The following ARFIP2 variants were observed in gnomAD, a reference collection of about 807,000 sequenced individuals.
ARFIP2 encodes arfaptin-2.
Under a neutral mutation model 39.2 loss-of-function variants are expected in ARFIP2, and 14 were observed. That is an observed-to-expected ratio of 0.36 (90% CI 0.24 to 0.56). The LOEUF is 0.56. Ranked by LOEUF, ARFIP2 falls within the 20% of genes least tolerant of loss-of-function variation. ARFIP2 has a pLI of 0.85. For synonymous variants in ARFIP2, 167 were observed against 172.4 expected, an observed-to-expected ratio of 0.97 and a Z score of 0.24; for missense variants, 305 against 422.5, an observed-to-expected ratio of 0.72 and a Z score of 2.44.
rs185626181 is a variant in ARFIP2, at chr11:6,478,862, C to T, written c.413G>A (p.Arg138His). 21 of 1,614,188 alleles carry T rather than the reference C, an allele frequency of 1.3e-5. No individual in the cohort carries two copies. The highest frequency in any genetic ancestry group is 9.3e-5 in the African/African-American group (7 of 75,048). Residue 138 changes from arginine to histidine, a missense_variant, in exon 5 of 8, where the codon CGC becomes CAC. Physicochemically the swap from Arg to His is conservative, Grantham distance 29. Around this residue, in one of 3 missense-constraint regions of ARFIP2, gnomAD observed 151 missense variants for 203.1 expected, o/e 0.74. Coordinates refer to ENST00000396777, the MANE Select transcript of ARFIP2 (RefSeq NM_001376558.2). This position sits in a 1 kb window ranked among gnomAD's most constrained non-coding sequence, Gnocchi z 4.8. The part of the protein sequence containing the change: ...LQIELLRETK[R>H]KYESVLQLGR... The stretch of plus-strand genomic sequence containing the variant: ...CAGCTGCAGGACACTCTCATACTTG[C>T]GCTTCGTCTCACGCAGCAACTCAAT...
Position 6,479,988 on chromosome 11 carries a change from A to G in ARFIP2, c.180T>C (p.Asp60=). The G allele has an allele frequency of 6.2e-7, 1 of 1,614,120 alleles. No homozygotes were observed. Residue 60 remains aspartate, a synonymous_variant, in exon 3 of 8, where the codon GAT becomes GAC. Transcript: ENST00000396777. The part of the protein sequence containing the change: ...IVSGGYGGSG[D]GLIPTGSGRH... ...CATTCATACCTGTGGGGATGAGTCC[A>G]TCACCAGAGCCCCCATAGCCACCAG...
rs566701969 is a variant in ARFIP2, at chr11:6,481,331, C to G, written c.-143G>C. ...CGATCCTAGCAGCAGGTCAGGGACT[C>G]GGCGGAAATGACGTCCTCTCCGGGC... On this transcript the variant is annotated 5_prime_UTR_variant, in exon 1 of 8. Coordinates refer to ENST00000396777, the MANE Select transcript of ARFIP2 (RefSeq NM_001376558.2). 7.4e-4 allele frequency: 643 copies of G among 872,826 alleles called. 1 individual carries two copies. The highest frequency in any genetic ancestry group is 1.4e-3 in the Middle Eastern group (4 of 2,910). The allele number at this position is 872,826 out of a possible 1,614,324, so 54.1% of individuals were successfully genotyped here. A position where few individuals can be genotyped will look rare whatever the true frequency, so the allele number is the denominator to read the frequency against.
chr11:6,477,405 C>T lies in ARFIP2; in HGVS notation c.871-137G>A. On this transcript the variant is annotated intron_variant, in intron 7 of 7. Transcript: ENST00000396777. This position sits in a 1 kb window ranked among gnomAD's most constrained non-coding sequence, Gnocchi z 4.8. The stretch of plus-strand genomic sequence containing the variant: ...TTTTGGGGTAGGGGCTGAACTCTAC[C>T]CAGGGAGTCAAAGGAGAAGGGTCAG... 9.4e-7 allele frequency: 1 copy of T among 1,068,000 alleles called. No homozygotes were observed. Among genetic ancestry groups the T allele is most frequent in the South Asian group, 1.7e-5 (1 of 60,172 alleles). 66.2% of individuals were successfully genotyped at this position (1,068,000 alleles called of 1,614,324 possible). A position where few individuals can be genotyped will look rare whatever the true frequency, so the allele number is the denominator to read the frequency against.
Position 6,477,016 on chromosome 11 carries a change from G to C in ARFIP2, c.*97C>G. On this transcript the variant is annotated 3_prime_UTR_variant, in exon 8 of 8. Transcript: ENST00000396777. The surrounding 1 kb of genome is among the most constrained non-coding windows in gnomAD (Gnocchi z 4.8). ...GCCAGAAAAAGGAGCCCAAGCCAGA[G>C]GGCAAGTGACAAAGGATGTACCATG... is the stretch of plus-strand genomic sequence containing the variant. 1 of 1,390,276 alleles carries C rather than the reference G, an allele frequency of 7.2e-7. No homozygotes were observed. The highest frequency in any genetic ancestry group is 9.6e-7 in the Non-Finnish European group (1 of 1,043,938). The allele number at this position is 1,390,276 out of a possible 1,614,324, so 86.1% of individuals were successfully genotyped here.
rs771662519 is a variant in ARFIP2 at position 6,478,094 on chromosome 11, G to A, written c.642C>T (p.Val214=). 3 of 1,613,954 alleles carry A rather than the reference G, an allele frequency of 1.9e-6. No individual in the cohort carries two copies. The South Asian group carries it at 3.3e-5, about 18-fold the overall frequency. Residue 214 remains valine (V), a synonymous_variant, in exon 6 of 8, where the codon GTC becomes GTT. Transcript: ENST00000396777. This position sits in a 1 kb window ranked among gnomAD's most constrained non-coding sequence, Gnocchi z 4.8. ...TGAGCGTGTCTTCCATGGTCTTGGT[G>A]ACCAATGTGTTGATGCTAGAGACAA... ...NFFVSSINTL[V]TKTMEDTLMT...
rs1851715152 is a variant in ARFIP2, at chr11:6,481,106, C to T, written c.-43+125G>A. The stretch of plus-strand genomic sequence containing the variant: ...TTATGTCTCCCAGGTGTGTGAGTCC[C>T]CGCCCCCACCCCCATACACCTGGAC... On this transcript the variant is annotated intron_variant, in intron 1 of 7. Coordinates refer to ENST00000396777, the MANE Select transcript of ARFIP2 (RefSeq NM_001376558.2). 7 of 310,500 alleles carry T rather than the reference C, an allele frequency of 2.3e-5. No individual in the cohort carries two copies. In the South Asian group the frequency reaches 2.4e-4, roughly 11 times the overall value. The allele number at this position is 310,500 out of a possible 1,614,324, so 19.2% of individuals were successfully genotyped here. A position where few individuals can be genotyped will look rare whatever the true frequency, so the allele number is the denominator to read the frequency against.
rs1295084510 is a variant in ARFIP2, at chr11:6,477,105, G to C, written c.*8C>G. ...CTTTCTTGATAGCCAAGTTGGGCTG[G>C]GAGCAGCTCACTGCTCCTCTAGCCA... On this transcript the variant is annotated 3_prime_UTR_variant, in exon 8 of 8. Transcript: ENST00000396777. This position sits in a 1 kb window ranked among gnomAD's most constrained non-coding sequence, Gnocchi z 4.8. The C allele has an allele frequency of 6.2e-7, 1 of 1,605,382 alleles. No homozygotes were observed. The highest frequency in any genetic ancestry group is 8.5e-7 in the Non-Finnish European group (1 of 1,174,478).
rs1417421955 is a variant in ARFIP2 at position 6,478,887 on chromosome 11, T to C, written c.388A>G (p.Ile130Val). ...RTVDLELELQ[I>V]ELLRETKRKY... is the part of the protein sequence containing the mutation. ...CGCTTCGTCTCACGCAGCAACTCAA[T>C]CTGCAGCTCTAGCTCCAGGTCCACA... Residue 130 changes from isoleucine (I) to valine (V), a missense_variant, in exon 5 of 8, where the codon ATT becomes GTT. Around this residue, in one of 3 missense-constraint regions of ARFIP2, gnomAD observed 151 missense variants for 203.1 expected, o/e 0.74. Transcript: ENST00000396777. This position sits in a 1 kb window ranked among gnomAD's most constrained non-coding sequence, Gnocchi z 4.8. The C allele has an allele frequency of 6.2e-7, 1 of 1,614,160 alleles. No individual in the cohort carries two copies. Among genetic ancestry groups the C allele is most frequent in the Non-Finnish European group, 8.5e-7 (1 of 1,180,022 alleles).
intron 3 of ARFIP2, 83 bp downstream of exon 3, chr11:6,479,889 G>C (rs1042993718): frequency 7.4e-7 from 1 of 1,352,568 alleles, no homozygotes; most frequent in African/African-American, 1.4e-5. Context: ...CATAATTCAA[G>C]CTTTCCTAGA....
rs1851112727 is a variant in ARFIP2 at position 6,476,794 on chromosome 11, T to A, written c.*319A>T. ...GGGCATTTTCAGGCTCTGTCATTGG[T>A]CAGGGAGCACACCCCAGCCTGAAGA... On this transcript the variant is annotated 3_prime_UTR_variant, in exon 8 of 8. Transcript: ENST00000396777. 3.5e-6 allele frequency: 1 copy of A among 287,984 alleles called. No homozygotes were observed. Among genetic ancestry groups the A allele is most frequent in the Non-Finnish European group, 6.6e-6 (1 of 150,530 alleles). The allele number at this position is 287,984 out of a possible 1,614,324, so 17.8% of individuals were successfully genotyped here.
In ARFIP2 at chr11:6,478,277, T is replaced by A. The variant is rs1589851011; in HGVS notation, c.538-79A>T. Reference sequence around the variant, plus strand: ...GCTGTAGAGCCCTTCATTCCCCTCCTCCCCGGGGAGGACACAGCCAGCAAA... The same window carrying A: ...GCTGTAGAGCCCTTCATTCCCCTCCACCCCGGGGAGGACACAGCCAGCAAA... On this transcript the variant is annotated intron_variant, in intron 5 of 7. Coordinates refer to ENST00000396777, the MANE Select transcript of ARFIP2 (RefSeq NM_001376558.2). This position sits in a 1 kb window ranked among gnomAD's most constrained non-coding sequence, Gnocchi z 4.8. The A allele has an allele frequency of 9.2e-6, 14 of 1,529,110 alleles. No homozygotes were observed. The South Asian group carries it at 1.3e-4, about 14-fold the overall frequency. 94.7% of individuals were successfully genotyped at this position (1,529,110 alleles called of 1,614,324 possible).
rs757701558 is a variant in ARFIP2 at position 6,478,187 on chromosome 11, G to A, written c.549C>T (p.Gly183=). 7 of 1,613,878 alleles carry A rather than the reference G, an allele frequency of 4.3e-6. No homozygotes were observed. The highest frequency in any genetic ancestry group is 5.9e-6 in the Non-Finnish European group (7 of 1,179,986). The change falls in exon 6 of 8, where the codon GGC becomes GGT. Residue 183 remains glycine, a synonymous_variant. Transcript: ENST00000396777. This position sits in a 1 kb window ranked among gnomAD's most constrained non-coding sequence, Gnocchi z 4.8. ...QKSPELQEEF[G]YNAETQKLLC... ...GTAGTTTCTGTGTCTCTGCATTGTA[G>A]CCAAATTCCTCCTGAGGGCAGAAGG...
Position 6,481,299 on chromosome 11 carries a change from C to A in ARFIP2, c.-111G>T. The A allele has an allele frequency of 1.4e-6, 1 of 707,476 alleles. No individual in the cohort carries two copies. The highest frequency in any genetic ancestry group is 2.3e-6 in the Non-Finnish European group (1 of 432,056). 43.8% of individuals were successfully genotyped at this position (707,476 alleles called of 1,614,324 possible). A position where few individuals can be genotyped will look rare whatever the true frequency, so the allele number is the denominator to read the frequency against. On this transcript the variant is annotated 5_prime_UTR_variant, in exon 1 of 8. Coordinates refer to ENST00000396777, the MANE Select transcript of ARFIP2 (RefSeq NM_001376558.2). ...CGCGCGGGGACCTCGGGCTCCAGTT[C>A]CCGTCGCGATCCTAGCAGCAGGTCA...
intron 3 of ARFIP2, chr11:6,479,723 T>A: frequency 7.1e-6 from 4 of 563,050 alleles, no homozygotes; most frequent in Non-Finnish European, 1.3e-5. Flanking sequence ...GTGAAGCAGG[T>A]CTTAACTTGA....
Position 6,480,385 on chromosome 11 carries a change from C to T in ARFIP2, c.37G>A (p.Glu13Lys). Residue 13 changes from glutamate (E) to lysine (K), a missense_variant, in exon 2 of 8, where the codon GAG becomes AAG. By Grantham distance (56) the Glu-to-Lys change is moderately conservative (BLOSUM62 1). Coordinates refer to ENST00000396777, the MANE Select transcript of ARFIP2 (RefSeq NM_001376558.2). Reference sequence around the variant, plus strand: ...TCGCCGTTCCCGTGGATAGGGATCTCCATTGTGGCTGCCTTCCCTAGGATC... The same window carrying T: ...TCGCCGTTCCCGTGGATAGGGATCTTCATTGTGGCTGCCTTCCCTAGGATC... ...DGILGKAATM[E>K]IPIHGNGEAR... The T allele has an allele frequency of 1.9e-6, 3 of 1,613,368 alleles. No homozygotes were observed. The highest frequency in any genetic ancestry group is 2.5e-6 in the Non-Finnish European group (3 of 1,179,710).
At position 6,478,056 on chromosome 11, in the gene ARFIP2, T is replaced by A; in HGVS notation, c.680A>T (p.Gln227Leu). The change falls in exon 6 of 8, where the codon CAG becomes CTG. Residue 227 changes from glutamine to leucine, a missense_variant. By Grantham distance (113) the Gln-to-Leu change is moderately radical. This residue lies in a region of ARFIP2 where 42 missense variants were observed against 101.2 expected (regional missense o/e 0.42). Coordinates refer to ENST00000396777, the MANE Select transcript of ARFIP2 (RefSeq NM_001376558.2). This position sits in a 1 kb window ranked among gnomAD's most constrained non-coding sequence, Gnocchi z 4.8. Reference sequence around the variant, plus strand: ...GTGCCCACACCTGGCAGCCTCATACTGTTTCACAGTCATGAGCGTGTCTTC... The same window carrying A: ...GTGCCCACACCTGGCAGCCTCATACAGTTTCACAGTCATGAGCGTGTCTTC... ...TMEDTLMTVK[Q>L]YEAARLEYDA... The A allele has an allele frequency of 6.2e-7, 1 of 1,614,028 alleles. No homozygotes were observed.
rs903762855 is a variant in ARFIP2, at chr11:6,481,260, C to T, written c.-72G>A. 3.3e-6 allele frequency: 2 copies of T among 603,520 alleles called. No individual in the cohort carries two copies. Among genetic ancestry groups the T allele is most frequent in the Non-Finnish European group, 5.8e-6 (2 of 343,032 alleles). The allele number at this position is 603,520 out of a possible 1,614,324, so 37.4% of individuals were successfully genotyped here. A position where few individuals can be genotyped will look rare whatever the true frequency, so the allele number is the denominator to read the frequency against. On this transcript the variant is annotated 5_prime_UTR_variant, in exon 1 of 8. Transcript: ENST00000396777. Reference sequence around the variant, plus strand: ...GGCCGGGCCGCTCTTCCCCTCAGGGCGCCAGGCCCGGGCCGCGCGGGGACC... The same window carrying T: ...GGCCGGGCCGCTCTTCCCCTCAGGGTGCCAGGCCCGGGCCGCGCGGGGACC...
chr11:6,478,652 G>A lies in ARFIP2; in HGVS notation c.537+86C>T, dbSNP rs557399156. On this transcript the variant is annotated intron_variant, in intron 5 of 7. Coordinates refer to ENST00000396777, the MANE Select transcript of ARFIP2 (RefSeq NM_001376558.2). The surrounding 1 kb of genome is among the most constrained non-coding windows in gnomAD (Gnocchi z 4.8). Reference sequence around the variant, plus strand: ...CACCCTGAAGGGGTTCTCCCTGTGGGCTGCAGGAGGGAGGGAGGATGAGGA... The same window carrying A: ...CACCCTGAAGGGGTTCTCCCTGTGGACTGCAGGAGGGAGGGAGGATGAGGA... 1,161 of 1,524,940 alleles carry A rather than the reference G, an allele frequency of 7.6e-4. No homozygotes were observed. The highest frequency in any genetic ancestry group is 2.4e-3 in the Admixed American group (122 of 50,236). The allele number at this position is 1,524,940 out of a possible 1,614,324, so 94.5% of individuals were successfully genotyped here.
chr11:6,481,000 A>C lies in ARFIP2; in HGVS notation c.-43+231T>G, dbSNP rs543161491. On this transcript the variant is annotated intron_variant, in intron 1 of 7. Coordinates refer to ENST00000396777, the MANE Select transcript of ARFIP2 (RefSeq NM_001376558.2). ...CCTCGGGCCCTCCCCACCAGGCCTT[A>C]GTTAGATCAGTGGGTGTATGTTCCC... The C allele has an allele frequency of 4.3e-4, 80 of 187,812 alleles. 1 individual carries two copies. The South Asian group carries it at 7.1e-3, about 17-fold the overall frequency. The allele number at this position is 187,812 out of a possible 1,614,324, so 11.6% of individuals were successfully genotyped here.
Sources: allele counts gnomAD v4.1 joint callset, GRCh38; gene constraint gnomAD v4.1.1; regional missense constraint gnomAD v4.1.1; non-coding constraint Gnocchi (gnomAD v3.1); transcripts MANE v1.5; gene names NCBI Gene and HGNC (gene_info 2026-07-23, HGNC 2026-07-21).